Variants in LHFPL3 observed in about 807,000 individuals in gnomAD.
LHFPL3 encodes LHFPL tetraspan subfamily member 3 protein.
Under a neutral mutation model 19.3 loss-of-function variants are expected in LHFPL3, and 5 were observed. That is an observed-to-expected ratio of 0.26 (90% CI 0.14 to 0.54). The LOEUF is 0.54. Among genes scored for constraint, LHFPL3 ranks in the 20% least tolerant of loss-of-function variants. LHFPL3 has a pLI of 0.94. For synonymous variants in LHFPL3, 133 were observed against 126.2 expected, an observed-to-expected ratio of 1.05 and a Z score of -0.36; for missense variants, 249 against 307.4, an observed-to-expected ratio of 0.81 and a Z score of 1.42.
At position 104,485,625 on chromosome 7, in the gene LHFPL3, T is replaced by C. The variant is rs112736668; in HGVS notation, c.445+156401T>C. Among the ~76,000 whole-genome samples, 96 of 152,332 alleles carry C rather than the reference T, an allele frequency of 6.3e-4. 1 individual carries two copies. Among genetic ancestry groups the C allele is most frequent in the African/African-American group, 2.2e-3 (91 of 41,574 alleles). On this transcript the variant is annotated intron_variant, in intron 1 of 2. Transcript: ENST00000424859. ...ATTTAATGATTAGATTTTCTATCAT[T>C]TTTTATTATTATACTTTAAGTTCTA...
intron 1 of LHFPL3, among the ~76,000 whole-genome samples, chr7:104,481,564 A>G (rs1793137161): frequency 6.6e-6 from 1 of 151,008 alleles, no homozygotes; most frequent in South Asian, 2.1e-4. Flanking sequence ...CCTATTGTTC[A>G]TGTCTCCCTG....
chr7:104,359,905 T>C lies in LHFPL3; in HGVS notation c.445+30681T>C, dbSNP rs545408811. 2.0e-5 allele frequency among the ~76,000 whole-genome samples: 3 copies of C among 152,374 alleles called. No homozygotes were observed. In the East Asian group the frequency reaches 5.8e-4, roughly 29 times the overall value. On this transcript the variant is annotated intron_variant, in intron 1 of 2. Transcript: ENST00000424859. ...TGGATGTATAAGATGTGCTAAATACTTCATAGACATGGTTTTATTTTTTTC... is the reference window on the plus strand; with the variant it reads ...TGGATGTATAAGATGTGCTAAATACCTCATAGACATGGTTTTATTTTTTTC...
At chr7:104,506,157 T>C (rs796674307) in intron 1 of LHFPL3, among the ~76,000 whole-genome samples, 4 of 152,116 alleles carry the variant, frequency 2.6e-5, no homozygotes, top group African/African-American at 7.2e-5. Flanking sequence ...GCTGGGACTA[T>C]AGGCATGTGC....
chr7:104,490,011 C>A (rs1464138256), intron 1 of LHFPL3, among the ~76,000 whole-genome samples: 1 of 152,158 alleles, frequency 6.6e-6, no homozygotes, highest in Non-Finnish European at 1.5e-5. Context: ...GCACACCAAC[C>A]ATCCAACAGG....
At chr7:104,790,819 A>G (rs1790010376) in intron 2 of LHFPL3, among the ~76,000 whole-genome samples, 1 of 152,208 alleles carries the variant, frequency 6.6e-6, no homozygotes, top group Non-Finnish European at 1.5e-5. Context: ...CTTGCATACA[A>G]ATGAATACCT....
At chr7:104,749,258 G>A (rs1265409177) in intron 2 of LHFPL3, among the ~76,000 whole-genome samples, 1 of 152,252 alleles carries the variant, frequency 6.6e-6, no homozygotes, top group Non-Finnish European at 1.5e-5. Flanking sequence ...GGCAACCTCT[G>A]CTTGCAGAAA....
At chr7:104,855,162 C>G (rs956671613) in intron 2 of LHFPL3, among the ~76,000 whole-genome samples, 6 of 152,236 alleles carry the variant, frequency 3.9e-5, no homozygotes, top group African/African-American at 1.4e-4. Context: ...TTTATGAGAA[C>G]AGATTAGTGA....
intron 1 of LHFPL3, among the ~76,000 whole-genome samples, chr7:104,514,317 C>T (rs1793878622): frequency 6.6e-6 from 1 of 151,828 alleles, no homozygotes; most frequent in Non-Finnish European, 1.5e-5. Context: ...TCTTAGGCTA[C>T]CATGAACTTC....
intron 1 of LHFPL3, among the ~76,000 whole-genome samples, chr7:104,597,661 C>T: frequency 6.6e-6 from 1 of 152,142 alleles, no homozygotes; most frequent in East Asian, 1.9e-4. Flanking sequence ...CTAGAATTAT[C>T]TTTGCCAAAA....
intron 2 of LHFPL3, among the ~76,000 whole-genome samples, chr7:104,757,061 A>G (rs1794299268): frequency 1.3e-5 from 2 of 152,224 alleles, no homozygotes; most frequent in Non-Finnish European, 1.5e-5. Context: ...CTGCACACCT[A>G]CAACCATCTG....
intron 2 of LHFPL3, among the ~76,000 whole-genome samples, chr7:104,813,092 C>T (rs987848114): frequency 6.6e-6 from 1 of 151,650 alleles, no homozygotes; most frequent in African/African-American, 2.4e-5. Flanking sequence ...CCAGGCTAGG[C>T]AACAGAGCAA....
At chr7:104,418,078 G>A (rs574085969) in intron 1 of LHFPL3, among the ~76,000 whole-genome samples, 2 of 152,066 alleles carry the variant, frequency 1.3e-5, no homozygotes, top group East Asian at 3.9e-4. Context: ...GTTTCACCAT[G>A]TTGGTCAGGC....
At chr7:104,733,780 AT>A (rs1352962630) in intron 1 of LHFPL3, among the ~76,000 whole-genome samples, 1 of 152,130 alleles carries the variant, frequency 6.6e-6, no homozygotes, top group Non-Finnish European at 1.5e-5. Context: ...TTAGCTGGTT[AT>A]TTTGCTCATT....
chr7:104,887,910 T>C (rs771533766), intron 2 of LHFPL3, among the ~76,000 whole-genome samples: 1 of 152,152 alleles, frequency 6.6e-6, no homozygotes, highest in Non-Finnish European at 1.5e-5. Flanking sequence ...TTCAGAGTTG[T>C]TTGGGGGTTT....
At chr7:104,488,011 AGTTTCTCTCT>A (rs1407081729) in intron 1 of LHFPL3, among the ~76,000 whole-genome samples, 3 of 152,166 alleles carry the variant, frequency 2.0e-5, no homozygotes, top group Admixed American at 6.5e-5. Flanking sequence ...GTCCATATCT[AGTTTCTCTCT>A]GTTTCTCTGA....
intron 1 of LHFPL3, among the ~76,000 whole-genome samples, chr7:104,496,260 T>G (rs572017414): frequency 9.9e-5 from 15 of 152,224 alleles, no homozygotes; most frequent in African/African-American, 2.2e-4. Flanking sequence ...GAGAATGATG[T>G]TTTCCAGCTT....
rs181996105 is a variant in LHFPL3, at chr7:104,661,838, C to T, written c.446-74837C>T. 3.3e-4 allele frequency among the ~76,000 whole-genome samples: 51 copies of T among 152,290 alleles called. No homozygotes were observed. The East Asian group carries it at 9.5e-3, about 28-fold the overall frequency. On this transcript the variant is annotated intron_variant, in intron 1 of 2. Coordinates refer to ENST00000424859, the MANE Select transcript of LHFPL3 (RefSeq NM_199000.3). Reference sequence around the variant, plus strand: ...CTTTCACCTTTTCACTTAAAGGAAGCACTTTATGGCTTTTTTGGCATATCC... The same window carrying T: ...CTTTCACCTTTTCACTTAAAGGAAGTACTTTATGGCTTTTTTGGCATATCC...
chr7:104,470,168 T>C (rs1405308501), intron 1 of LHFPL3: 1 of 438,776 alleles, frequency 2.3e-6, no homozygotes, highest in African/African-American at 2.0e-5. Context: ...CCCCTGTTCT[T>C]AGGATCTGGC....
intron 2 of LHFPL3, among the ~76,000 whole-genome samples, chr7:104,837,124 G>T (rs1363375255): frequency 6.6e-6 from 1 of 152,162 alleles, no homozygotes; most frequent in Non-Finnish European, 1.5e-5. Context: ...GTTTGGCAAG[G>T]TACTTCGATT....
Sources: allele counts gnomAD v4.1 joint callset (sites outside exome capture counted in the v4.1 genomes callset), GRCh38; gene constraint gnomAD v4.1.1; transcripts MANE v1.5; gene names NCBI Gene and HGNC (gene_info 2026-07-23, HGNC 2026-07-21).